The following EFHC2 variants were observed in gnomAD, a reference collection of about 807,000 sequenced individuals.
EFHC2 encodes EF-hand domain-containing family member C2.
EFHC2 carries 18 observed loss-of-function variants against 52.7 expected under a neutral mutation model. That is an observed-to-expected ratio of 0.34 (90% CI 0.24 to 0.51). EFHC2 has a LOEUF of 0.51. EFHC2 is among the 20% of genes least tolerant of loss of function. The pLI, the probability that EFHC2 is intolerant of heterozygous loss-of-function variation, is 0.97. For missense variants in EFHC2, 513 were observed against 562.5 expected (o/e 0.91, Z 0.89); for synonymous variants, 203 against 204.1 (o/e 0.99, Z 0.04).
chrX:44,260,031 C>A (rs2037525698), intron 4 of EFHC2, among the ~76,000 whole-genome samples: 1 of 111,260 alleles, frequency 9.0e-6, no homozygotes, highest in Non-Finnish European at 1.9e-5. Context: ...TACCTCTCTG[C>A]AAGGAAATGA....
At chrX:44,273,818 T>C (rs1020441816) in intron 2 of EFHC2, among the ~76,000 whole-genome samples, 3 of 111,615 alleles carry the variant, frequency 2.7e-5, no homozygotes, top group Admixed American at 9.6e-5. Context: ...GTCTCTCACT[T>C]TTGATCAATT....
At chrX:44,213,987 A>T (rs186628762) in intron 11 of EFHC2, among the ~76,000 whole-genome samples, 92 of 111,771 alleles carry the variant, frequency 8.2e-4, no homozygotes, top group African/African-American at 2.7e-3. Context: ...ATGGATGAGA[A>T]TCTCAGACCT....
intron 14 of EFHC2, among the ~76,000 whole-genome samples, chrX:44,160,325 G>GCTTTTTCTCCTCTTTTT (rs1271162894): frequency 2.7e-5 from 3 of 111,265 alleles, no homozygotes; most frequent in African/African-American, 9.8e-5. Flanking sequence ...AGGAGAAAAA[G>GCTTTTTCTCCTCTTTTT]AGGTGGTGGG....
chrX:44,261,218 C>T lies in EFHC2; in HGVS notation c.463G>A (p.Gly155Ser), dbSNP rs200150685. 1.2e-5 allele frequency: 14 copies of T among 1,209,477 alleles called. No homozygotes were observed. In the Admixed American group the frequency reaches 2.8e-4, roughly 25 times the overall value. ...CGGCCATAGAAGACAACCTCTGTGC[C>T]GACATTAAAATGATACACAGTATAA... ...QFYTVYHFNV[G>S]TEVVFYGRTF... Residue 155 changes from glycine (G) to serine (S), a missense_variant, in exon 4 of 15, where the codon GGC (glycine) becomes AGC (serine). By Grantham distance (56) the Gly-to-Ser change is moderately conservative. Transcript: ENST00000420999.
intron 2 of EFHC2, among the ~76,000 whole-genome samples, chrX:44,297,728 C>CAA (rs761598774): frequency 2.2e-4 from 9 of 41,419 alleles, no homozygotes; most frequent in African/African-American, 3.2e-4. Context: ...GACTCCATCT[C>CAA]AAAAAAAAAA....
chrX:44,282,668 C>A (rs1235226167), intron 2 of EFHC2, among the ~76,000 whole-genome samples: 40 of 14,142 alleles, frequency 2.8e-3, no homozygotes, highest in East Asian at 5.4e-3. Flanking sequence ...GAGAGGAGGA[C>A]AAAGAAAAAA....
chrX:44,280,860 G>A (rs913223088), intron 2 of EFHC2, among the ~76,000 whole-genome samples: 1 of 112,155 alleles, frequency 8.9e-6, no homozygotes, highest in East Asian at 2.8e-4. Context: ...GTATATTCTG[G>A]ATAAGCAGAC....
intron 2 of EFHC2, among the ~76,000 whole-genome samples, chrX:44,287,995 A>G (rs2037765252): frequency 8.9e-6 from 1 of 112,427 alleles, no homozygotes; most frequent in Non-Finnish European, 1.9e-5. Flanking sequence ...TCTAACTTCA[A>G]AATTCATACC....
In EFHC2 at chrX:44,248,291, A is replaced by G. The variant is rs1022664928; in HGVS notation, c.1092T>C (p.Tyr364=). ...ACTTACCAATTCCATATTTAGACTT[A>G]TAATAAGACTTCGTAAATTCATCAC... The part of the protein sequence containing the change: ...YDCDEFTKSY[Y]KSKYGIENFT... Residue 364 remains tyrosine, a synonymous_variant, in exon 7 of 15, where the codon TAT becomes TAC. Transcript: ENST00000420999. 8.6e-7 allele frequency: 1 copy of G among 1,157,242 alleles called. No individual in the cohort carries two copies.
chrX:44,231,170 C>T (rs1336325919), intron 10 of EFHC2, among the ~76,000 whole-genome samples: 1 of 111,915 alleles, frequency 8.9e-6, no homozygotes, highest in Non-Finnish European at 1.9e-5. Context: ...CTTCTCAGGC[C>T]TCCTATCAAG....
intron 2 of EFHC2, among the ~76,000 whole-genome samples, chrX:44,279,682 A>T (rs2037687066): frequency 9.0e-6 from 1 of 111,131 alleles, no homozygotes; most frequent in African/African-American, 3.3e-5. Context: ...TATCAAAAAC[A>T]CAATGAATAA....
intron 14 of EFHC2, among the ~76,000 whole-genome samples, chrX:44,157,743 T>G (rs868559904): frequency 1.8e-5 from 1 of 54,970 alleles, no homozygotes; most frequent in African/African-American, 7.7e-5. Flanking sequence ...TCCACCCCCC[T>G]CCCCGCCCCG....
At chrX:44,251,351 C>T (rs1569293888) in intron 4 of EFHC2, among the ~76,000 whole-genome samples, 1 of 103,804 alleles carries the variant, frequency 9.6e-6, no homozygotes, top group Non-Finnish European at 2.0e-5. Context: ...GGGTGGCTCA[C>T]ACCTGTAATC....
intron 11 of EFHC2, among the ~76,000 whole-genome samples, chrX:44,183,585 C>T (rs73628314): frequency 0.032 from 3,555 of 111,870 alleles, 161 homozygotes; most frequent in African/African-American, 0.11. Flanking sequence ...TCTGACCAAA[C>T]AGGTTTTGCT....
chrX:44,242,141 C>A lies in EFHC2; in HGVS notation c.1260G>T (p.Lys420Asn), dbSNP rs370895700. 1 of 1,190,868 alleles carries A rather than the reference C, an allele frequency of 8.4e-7. No individual in the cohort carries two copies. Among genetic ancestry groups the A allele is most frequent in the African/African-American group, 1.8e-5 (1 of 56,259 alleles). ...LKPTPHRRNF[K>N]KFMEKDSYGS... ...AGCACCTGTCTTTTTCCATAAACTTCTTGAAGTTCCTCCGATGAGGTGTGG... is the reference window on the plus strand; with the variant it reads ...AGCACCTGTCTTTTTCCATAAACTTATTGAAGTTCCTCCGATGAGGTGTGG... Residue 420 changes from lysine (K) to asparagine (N), a missense_variant, in exon 8 of 15, where the codon AAG becomes AAT. Transcript: ENST00000420999.
chrX:44,332,662 G>A (rs1170944289), intron 1 of EFHC2, among the ~76,000 whole-genome samples: 3 of 111,217 alleles, frequency 2.7e-5, no homozygotes, highest in Admixed American at 9.6e-5. Flanking sequence ...CCTACTGAGG[G>A]GAGAATGGTC....
chrX:44,297,569 A>T (rs937877806), intron 2 of EFHC2, among the ~76,000 whole-genome samples: 4 of 109,139 alleles, frequency 3.7e-5, no homozygotes, highest in African/African-American at 1.0e-4. Context: ...ACTAAAAAAA[A>T]TATATAAAAA....
intron 1 of EFHC2, among the ~76,000 whole-genome samples, chrX:44,319,489 G>A (rs983528609): frequency 1.6e-4 from 18 of 111,494 alleles, no homozygotes; most frequent in Admixed American, 4.8e-4. Context: ...CAGAGGGCGC[G>A]CAAGAATGTT....
At chrX:44,296,166 G>A (rs901193732) in intron 2 of EFHC2, among the ~76,000 whole-genome samples, 1 of 111,304 alleles carries the variant, frequency 9.0e-6, no homozygotes, top group Non-Finnish European at 1.9e-5. Flanking sequence ...TGGAGGTGGA[G>A]AAAAGTGGAG....
Sources: allele counts gnomAD v4.1 joint callset (sites outside exome capture counted in the v4.1 genomes callset), GRCh38; gene constraint gnomAD v4.1.1; transcripts MANE v1.5; gene names NCBI Gene and HGNC (gene_info 2026-07-23, HGNC 2026-07-21).